DPP4: variants seen among roughly 807,000 people sequenced by gnomAD.
The protein encoded by DPP4 is ADCP-2.
DPP4 carries 93 observed loss-of-function variants against 122.4 expected under a neutral mutation model. The observed-to-expected ratio is 0.76, with a 90% CI of 0.64 to 0.90. The LOEUF is 0.90. Ranked by LOEUF, DPP4 falls within the 40% of genes least tolerant of loss-of-function variation. The pLI, the probability that DPP4 is intolerant of heterozygous loss-of-function variation, is 0.00. For synonymous variants in DPP4, 321 were observed against 302.9 expected, an observed-to-expected ratio of 1.06 and a Z score of -0.62; for missense variants, 914 against 907.3, an observed-to-expected ratio of 1.01 and a Z score of -0.09.
intron 5 of DPP4, among the ~76,000 whole-genome samples, chr2:162,043,542 A>T (rs1684064183): frequency 6.6e-6 from 1 of 152,216 alleles, no homozygotes; most frequent in South Asian, 2.1e-4. Context: ...TGGCCAACTA[A>T]GGGCCACCAG....
chr2:162,063,274 G>A (rs1684843391), intron 2 of DPP4, among the ~76,000 whole-genome samples: 1 of 152,152 alleles, frequency 6.6e-6, no homozygotes, highest in Non-Finnish European at 1.5e-5. Flanking sequence ...AGTATGAGAT[G>A]CCAATATCAC....
At chr2:162,015,840 T>C (rs1682891160) in intron 18 of DPP4, among the ~76,000 whole-genome samples, 1 of 152,180 alleles carries the variant, frequency 6.6e-6, no homozygotes, top group Non-Finnish European at 1.5e-5. Context: ...TTGTCAATGT[T>C]AGCTCTGGAA....
At position 162,073,970 on chromosome 2, in the gene DPP4, A is replaced by C. The variant is rs1685219256; in HGVS notation, c.6+6T>G. 1.2e-6 allele frequency: 2 copies of C among 1,611,080 alleles called. No individual in the cohort carries two copies. The highest frequency in any genetic ancestry group is 1.7e-6 in the Non-Finnish European group (2 of 1,178,716). ...GCCCCGGGGACGTACGTGGCGCGGC[A>C]CTCACCTTCATCGTCGGCGTCTCCT... On this transcript the variant is annotated splice_donor_region_variant and intron_variant, in intron 1 of 25. Coordinates refer to ENST00000360534, the MANE Select transcript of DPP4 (RefSeq NM_001935.4).
chr2:162,007,941 G>C (rs1046987242), intron 22 of DPP4, among the ~76,000 whole-genome samples: 3 of 152,014 alleles, frequency 2.0e-5, no homozygotes, highest in African/African-American at 7.3e-5. Flanking sequence ...AAGAGGTGCA[G>C]GAAAATCAAT....
At chr2:162,035,032 G>T in intron 9 of DPP4, 132 bp downstream of exon 9, 1 of 809,862 alleles carries the variant, frequency 1.2e-6, no homozygotes. Flanking sequence ...AGATGCTGTT[G>T]ACTTCAGCAA....
At chr2:162,072,149 T>C (rs1445976397) in intron 2 of DPP4, among the ~76,000 whole-genome samples, 1 of 152,236 alleles carries the variant, frequency 6.6e-6, no homozygotes, top group Non-Finnish European at 1.5e-5. Context: ...TTAATCTTTG[T>C]ATTTGCAGCA....
intron 20 of DPP4, among the ~76,000 whole-genome samples, chr2:162,010,488 T>C (rs1180459557): frequency 6.6e-6 from 1 of 152,204 alleles, no homozygotes; most frequent in Non-Finnish European, 1.5e-5. Flanking sequence ...TTAGCTCTTT[T>C]TAGTTGCTGC....
intron 2 of DPP4, among the ~76,000 whole-genome samples, chr2:162,065,097 C>G (rs984504813): frequency 2.0e-5 from 3 of 152,184 alleles, no homozygotes; most frequent in Non-Finnish European, 4.4e-5. Context: ...TACTTTCCAA[C>G]CTGAGAAAGG....
At chr2:162,047,704 T>A (rs1437814137) in intron 2 of DPP4, among the ~76,000 whole-genome samples, 1 of 152,184 alleles carries the variant, frequency 6.6e-6, no homozygotes, top group Non-Finnish European at 1.5e-5. Flanking sequence ...TGTGAGAGTG[T>A]GTGTGTTTCA....
intron 2 of DPP4, among the ~76,000 whole-genome samples, chr2:162,049,237 G>A (rs1399760789): frequency 2.6e-5 from 4 of 152,076 alleles, no homozygotes; most frequent in Non-Finnish European, 5.9e-5. Context: ...TTCAAACAAT[G>A]TTCTTAAGAT....
In DPP4 at chr2:162,018,739, C is replaced by G; in HGVS notation, c.1410G>C (p.Leu470=). The G allele has an allele frequency of 1.2e-6, 2 of 1,613,974 alleles. No individual in the cohort carries two copies. The highest frequency in any genetic ancestry group is 1.7e-6 in the Non-Finnish European group (2 of 1,179,998). ...SFSKEAKYYQ[L]RCSGPGLPLY... is the part of the protein sequence containing the mutation. ...GGAGCTCAGACTTACCGGAACATCT[C>G]AGCTGATAATACTTCGCCTCTTTAC... The change falls in exon 16 of 26, where the codon CTG becomes CTC. Residue 470 remains leucine, a synonymous_variant. Coordinates refer to ENST00000360534, the MANE Select transcript of DPP4 (RefSeq NM_001935.4).
chr2:162,018,682 T>C (rs1683006389), intron 16 of DPP4, 47 bp downstream of exon 16: 1 of 1,594,506 alleles, frequency 6.3e-7, no homozygotes, highest in Non-Finnish European at 8.5e-7. Flanking sequence ...TGCTTCGAAG[T>C]GAGTAACAGC....
intron 20 of DPP4, among the ~76,000 whole-genome samples, chr2:162,010,989 A>C (rs1249647586): frequency 6.6e-6 from 1 of 152,164 alleles, no homozygotes; most frequent in Admixed American, 6.6e-5. Context: ...ATGTAATTAA[A>C]TATAAGAGTC....
intron 22 of DPP4, among the ~76,000 whole-genome samples, chr2:162,006,128 A>G (rs1202881895): frequency 6.6e-6 from 1 of 152,204 alleles, no homozygotes; most frequent in Non-Finnish European, 1.5e-5. Flanking sequence ...ATCAAACCAG[A>G]TTATCTAAAA....
intron 10 of DPP4, among the ~76,000 whole-genome samples, chr2:162,030,556 G>A (rs969785889): frequency 2.6e-5 from 4 of 152,192 alleles, no homozygotes; most frequent in African/African-American, 9.7e-5. Flanking sequence ...GTAACAGGCT[G>A]AGCAGGTTAC....
intron 20 of DPP4, among the ~76,000 whole-genome samples, chr2:162,011,293 G>A (rs1445488419): frequency 6.6e-6 from 1 of 152,058 alleles, no homozygotes; most frequent in Non-Finnish European, 1.5e-5. Flanking sequence ...TGATGGTTGT[G>A]CTCCACAATT....
At chr2:162,044,718 A>G (rs1029996335) in intron 5 of DPP4, among the ~76,000 whole-genome samples, 5 of 152,312 alleles carry the variant, frequency 3.3e-5, no homozygotes, top group Middle Eastern at 6.8e-3. Context: ...CATCCTAAAC[A>G]TGAAGAGGAT....
intron 3 of DPP4, 152 bp from the exon 4 acceptor site, chr2:162,047,158 A>G (rs906261450): frequency 1.8e-6 from 1 of 546,290 alleles, no homozygotes; most frequent in East Asian, 2.9e-5. Flanking sequence ...ACATTCATTC[A>G]TTTTTTCATC....
At position 162,005,828 on chromosome 2, in the gene DPP4, TAAAA is replaced by T. The variant is rs11343430; in HGVS notation, c.1988-23_1988-20del. ...ACTGAGTCTGTGAAAGAAAAAAAAA[TAAAA>T]AAAAGTTTAATTCATACAATAACAA... On this transcript the variant is annotated intron_variant, in intron 22 of 25. Transcript: ENST00000360534. 2.5e-6 allele frequency: 4 copies of T among 1,598,984 alleles called. No individual in the cohort carries two copies. The highest frequency in any genetic ancestry group is 1.3e-5 in the African/African-American group (1 of 74,196).
Sources: gnomAD v4.1 joint callset for allele counts (sites outside exome capture counted in the v4.1 genomes callset) on GRCh38, gnomAD v4.1.1 for gene constraint, MANE v1.5 for transcripts, NCBI Gene and HGNC (gene_info 2026-07-23, HGNC 2026-07-21) for gene names.